Variants in GPC5 observed in about 807,000 individuals in gnomAD.
GPC5 encodes glypican 5.
GPC5 carries 47 observed loss-of-function variants against 53.9 expected under a neutral mutation model. The observed-to-expected ratio is 0.87, with a 90% CI of 0.69 to 1.11. The LOEUF is 1.11. Among genes scored for constraint, GPC5 ranks in the 50% most tolerant of loss-of-function variants. GPC5 has a pLI of 0.00. For missense variants in GPC5, 748 were observed against 713.1 expected (o/e 1.05, Z -0.56); for synonymous variants, 286 against 263.3 (o/e 1.09, Z -0.84).
chr13:92,725,086 C>G (rs1007657995), intron 7 of GPC5, among the ~76,000 whole-genome samples: 1 of 151,538 alleles, frequency 6.6e-6, no homozygotes, highest in Non-Finnish European at 1.5e-5. Flanking sequence ...ATAAATTTAA[C>G]CATGTTATCT....
intron 5 of GPC5, among the ~76,000 whole-genome samples, chr13:91,758,555 A>G (rs1350138454): frequency 2.0e-5 from 3 of 152,108 alleles, no homozygotes; most frequent in Non-Finnish European, 2.9e-5. Context: ...GAAACCTTTT[A>G]GAGTGATAGT....
At chr13:92,007,442 G>C (rs2040617311) in intron 6 of GPC5, among the ~76,000 whole-genome samples, 1 of 152,074 alleles carries the variant, frequency 6.6e-6, no homozygotes, top group South Asian at 2.1e-4. Flanking sequence ...TAATGTTTTT[G>C]ATGAATTTGC....
chr13:92,384,828 A>G (rs1425935862), intron 7 of GPC5, among the ~76,000 whole-genome samples: 2 of 152,114 alleles, frequency 1.3e-5, no homozygotes, highest in African/African-American at 2.4e-5. Flanking sequence ...TGCATTAATG[A>G]TGTCTCTGAT....
In GPC5 at chr13:92,491,282, T is replaced by C. The variant is rs191390038; in HGVS notation, c.1561+346293T>C. 7.3e-3 allele frequency among the ~76,000 whole-genome samples: 1,116 copies of C among 152,172 alleles called. 8 individuals carry two copies. The highest frequency in any genetic ancestry group is 8.2e-3 in the Non-Finnish European group (555 of 67,948). On this transcript the variant is annotated intron_variant, in intron 7 of 7. Coordinates refer to ENST00000377067, the MANE Select transcript of GPC5 (RefSeq NM_004466.6). ...AAGCTATACAGAAAAAAAGATCTGA[T>C]TTTTTTAGTCTTCAAGTCCACAAAA...
intron 6 of GPC5, among the ~76,000 whole-genome samples, chr13:92,029,347 G>A (rs758087491): frequency 6.6e-6 from 1 of 152,176 alleles, no homozygotes; most frequent in Non-Finnish European, 1.5e-5. Flanking sequence ...TAACCTCTAA[G>A]TGGTATTTGG....
At chr13:91,777,941 C>T (rs1424913925) in intron 5 of GPC5, among the ~76,000 whole-genome samples, 1 of 152,150 alleles carries the variant, frequency 6.6e-6, no homozygotes, top group Non-Finnish European at 1.5e-5. Flanking sequence ...CCGCAATAGA[C>T]TCCCTTTCTT....
intron 5 of GPC5, among the ~76,000 whole-genome samples, chr13:91,818,930 G>T (rs1266532730): frequency 6.6e-6 from 1 of 151,864 alleles, no homozygotes; most frequent in Admixed American, 6.6e-5. Flanking sequence ...TTTTTCAGTG[G>T]TTAAATATGA....
chr13:91,954,246 C>A (rs1177730626), intron 6 of GPC5, among the ~76,000 whole-genome samples: 1 of 151,904 alleles, frequency 6.6e-6, no homozygotes, highest in Non-Finnish European at 1.5e-5. Flanking sequence ...ATAAAGCCAG[C>A]ATATAATTTA....
chr13:92,788,231 T>C (rs1194308067), intron 7 of GPC5, among the ~76,000 whole-genome samples: 1 of 152,114 alleles, frequency 6.6e-6, no homozygotes, highest in Non-Finnish European at 1.5e-5. Context: ...TCCATGTATC[T>C]TTCTCAGATG....
At chr13:92,581,179 CCTGT>C (rs1198593753) in intron 7 of GPC5, among the ~76,000 whole-genome samples, 2 of 152,048 alleles carry the variant, frequency 1.3e-5, no homozygotes, top group East Asian at 3.9e-4. Context: ...ACTTACTTCC[CCTGT>C]CTAACTGAAA....
chr13:91,890,896 T>C (rs1374214344), intron 5 of GPC5, among the ~76,000 whole-genome samples: 15 of 152,316 alleles, frequency 9.8e-5, no homozygotes. Flanking sequence ...GGAAAAGCTA[T>C]CTACAGTGTG....
chr13:92,369,900 G>T (rs1243115321), intron 7 of GPC5, among the ~76,000 whole-genome samples: 1 of 152,118 alleles, frequency 6.6e-6, no homozygotes, highest in Admixed American at 6.5e-5. Flanking sequence ...TTCTATTAAG[G>T]AAAGTCAACA....
rs575049928 is a variant in GPC5 at position 91,559,918 on chromosome 13, C to A, written c.325+110996C>A. Among the ~76,000 whole-genome samples the A allele has an allele frequency of 5.3e-5, 8 of 152,190 alleles. 1 individual carries two copies. Among genetic ancestry groups the A allele is most frequent in the African/African-American group, 1.9e-4 (8 of 41,548 alleles). On this transcript the variant is annotated intron_variant, in intron 2 of 7. Transcript: ENST00000377067. ...TTACATACAAAAATAATGTGCAAGA[C>A]TTTGCTATTACATATATTCTGAAAT...
intron 2 of GPC5, among the ~76,000 whole-genome samples, chr13:91,523,140 G>C (rs1885916735): frequency 6.6e-6 from 1 of 152,180 alleles, no homozygotes; most frequent in Admixed American, 6.5e-5. Flanking sequence ...CACACTGTTG[G>C]TGGAAACGTA....
chr13:91,871,693 A>G (rs2138931885), intron 5 of GPC5, among the ~76,000 whole-genome samples: 1 of 150,880 alleles, frequency 6.6e-6, no homozygotes, highest in African/African-American at 2.5e-5. Context: ...TCTTCAAATT[A>G]AGTTTTTTTT....
intron 7 of GPC5, among the ~76,000 whole-genome samples, chr13:92,668,461 G>C (rs1886644229): frequency 6.6e-6 from 1 of 152,090 alleles, no homozygotes; most frequent in South Asian, 2.1e-4. Context: ...ATCACATTCA[G>C]CAAGAGAATG....
chr13:92,050,137 G>A (rs2041015448), intron 6 of GPC5, among the ~76,000 whole-genome samples: 1 of 152,170 alleles, frequency 6.6e-6, no homozygotes, highest in Admixed American at 6.5e-5. Context: ...GTACTCATAT[G>A]TTCATATTTA....
At chr13:91,481,508 A>G (rs1476737861) in intron 2 of GPC5, among the ~76,000 whole-genome samples, 1 of 152,144 alleles carries the variant, frequency 6.6e-6, no homozygotes, top group Non-Finnish European at 1.5e-5. Context: ...TGTAAACCCA[A>G]TTTACATTAG....
chr13:92,550,231 A>ATGTTAAGAATGTTTTAAT lies in GPC5; in HGVS notation c.1562-316051_1562-316050insTGTTAAGAATGTTTTAAT, dbSNP rs1452496102. On this transcript the variant is annotated intron_variant, in intron 7 of 7. Coordinates refer to ENST00000377067, the MANE Select transcript of GPC5 (RefSeq NM_004466.6). The stretch of plus-strand genomic sequence containing the variant: ...TTAAAAATGAACATATAAGAATCTT[A>ATGTTAAGAATGTTTTAAT]GCTAATGTTTTAATGCATTCTCAGC... Among the ~76,000 whole-genome samples the ATGTTAAGAATGTTTTAAT allele has an allele frequency of 9.9e-5, 15 of 152,018 alleles. 1 individual carries two copies. In the East Asian group the frequency reaches 2.9e-3, roughly 29 times the overall value.
Sources: gnomAD v4.1 joint callset for allele counts (sites outside exome capture counted in the v4.1 genomes callset) on GRCh38, gnomAD v4.1.1 for gene constraint, MANE v1.5 for transcripts, NCBI Gene and HGNC (gene_info 2026-07-23, HGNC 2026-07-21) for gene names.